Variants in ZDHHC7 observed in about 807,000 individuals in gnomAD.
The protein encoded by ZDHHC7 is palmitoyltransferase ZDHHC7.
A neutral mutation model predicts 34.1 loss-of-function variants in ZDHHC7; 12 were observed. That is an observed-to-expected ratio of 0.35 (90% CI 0.23 to 0.57). The LOEUF (loss-of-function observed/expected upper bound fraction) is 0.57. ZDHHC7 is among the 20% of genes least tolerant of loss of function. ZDHHC7 has a pLI of 0.84. For missense variants in ZDHHC7, 388 were observed against 402.7 expected (o/e 0.96, Z 0.31); for synonymous variants, 185 against 155.4 (o/e 1.19, Z -1.42).
chr16:84,997,996 C>A (rs991368947), intron 1 of ZDHHC7, among the ~76,000 whole-genome samples: 1 of 150,316 alleles, frequency 6.7e-6, no homozygotes, highest in Non-Finnish European at 1.5e-5. Context: ...ATTAGAAGAT[C>A]GGGTCTGTAA....
At position 84,979,846 on chromosome 16, in the gene ZDHHC7, A is replaced by T. The variant is rs540567505; in HGVS notation, c.441-561T>A. 2.0e-5 allele frequency among the ~76,000 whole-genome samples: 3 copies of T among 151,346 alleles called. No individual in the cohort carries two copies. The East Asian group carries it at 5.9e-4, about 30-fold the overall frequency. On this transcript the variant is annotated intron_variant, in intron 4 of 7. Coordinates refer to ENST00000313732, the MANE Select transcript of ZDHHC7 (RefSeq NM_017740.3). ...TGTCCAATTTTAAATAACTAATTTG[A>T]TTATCGATTACTTTTTAGTCCAAGC...
chr16:85,000,014 C>T (rs2072632890), intron 1 of ZDHHC7, among the ~76,000 whole-genome samples: 2 of 151,476 alleles, frequency 1.3e-5, no homozygotes, highest in African/African-American at 4.9e-5. Context: ...CTGGGCAGGG[C>T]CTGTACTCCC....
the ZDHHC7 span, among the ~76,000 whole-genome samples, chr16:85,018,578 G>C: frequency 3.3e-5 from 5 of 152,134 alleles, no homozygotes; most frequent in East Asian, 7.7e-4. Flanking sequence ...CTCCCTGGTA[G>C]CTGGGATTAC....
In ZDHHC7 at chr16:84,990,406, C is replaced by G. The variant is rs751306989; in HGVS notation, c.213G>C (p.Leu71=). Residue 71 remains leucine, a synonymous_variant, in exon 3 of 8, where the codon CTG becomes CTC. Transcript: ENST00000313732. ...CAGAGTACCAGAAGTCTTTGGAAGG[C>G]AGCAGCATGACGAAAGTCACCACGA... ...ADFVVTFVML[L]PSKDFWYSVV... 2.2e-5 allele frequency: 36 copies of G among 1,614,030 alleles called. No individual in the cohort carries two copies. The South Asian group carries it at 3.6e-4, about 16-fold the overall frequency.
At chr16:84,996,514 C>T (rs1249364249) in intron 1 of ZDHHC7, among the ~76,000 whole-genome samples, 1 of 152,110 alleles carries the variant, frequency 6.6e-6, no homozygotes. Flanking sequence ...TCCTGGCACG[C>T]ATCTCCCACG....
chr16:85,017,812 G>C, the ZDHHC7 span, among the ~76,000 whole-genome samples: 2 of 152,140 alleles, frequency 1.3e-5, no homozygotes, highest in Non-Finnish European at 2.9e-5. Flanking sequence ...TATTGCAAAG[G>C]GAAAAGTACA....
intron 3 of ZDHHC7, 31 bp from the exon 4 acceptor site, chr16:84,982,025 G>C (rs1252934705): frequency 7.4e-6 from 12 of 1,612,968 alleles, no homozygotes; most frequent in South Asian, 2.2e-5. Flanking sequence ...ACTTTAGTTG[G>C]GGAGAATGAA....
chr16:85,001,486 T>TAAAAAAAA (rs2072652786), intron 1 of ZDHHC7, among the ~76,000 whole-genome samples: 1 of 72,386 alleles, frequency 1.4e-5, no homozygotes, highest in Non-Finnish European at 2.5e-5. Context: ...AAAAAAAAAT[T>TAAAAAAAA]AAGTAAATGG....
Position 84,975,605 on chromosome 16 carries a change from C to T in ZDHHC7, c.*738G>A, listed in dbSNP as rs966488518. 8 of 152,702 alleles carry T rather than the reference C, an allele frequency of 5.2e-5. No individual in the cohort carries two copies. The highest frequency in any genetic ancestry group is 1.9e-4 in the African/African-American group (8 of 41,468). The allele number at this position is 152,702 out of a possible 1,614,324, so 9.5% of individuals were successfully genotyped here. On this transcript the variant is annotated 3_prime_UTR_variant, in exon 8 of 8. Transcript: ENST00000313732. ...TTCATAGTAACCACGGGCAGGACCC[C>T]GCGGCTCTCTCCCCTCTTCCCTGAA...
chr16:85,017,560 C>T, the ZDHHC7 span, among the ~76,000 whole-genome samples: 5 of 152,164 alleles, frequency 3.3e-5, no homozygotes, highest in East Asian at 1.9e-4. Context: ...CCTAAATGTC[C>T]ATGAACAGAA....
At chr16:84,978,083 G>T in intron 5 of ZDHHC7, 78 bp from the exon 6 acceptor site, 1 of 1,211,250 alleles carries the variant, frequency 8.3e-7, no homozygotes, top group East Asian at 2.6e-5. Context: ...TGTTGTCCAG[G>T]CTGGAATGCA....
intron 7 of ZDHHC7, 30 bp from the exon 8 acceptor site, chr16:84,976,549 C>A (rs369601970): frequency 4.4e-6 from 7 of 1,608,162 alleles, no homozygotes; most frequent in East Asian, 2.2e-5. Flanking sequence ...CAAGTGGCAG[C>A]GGCTCCAGGA....
At chr16:85,024,151 C>CA in the ZDHHC7 span, among the ~76,000 whole-genome samples, 1 of 149,916 alleles carries the variant, frequency 6.7e-6, no homozygotes, top group African/African-American at 2.5e-5. Flanking sequence ...CTCCTGACCT[C>CA]AGATGATCCA....
At chr16:84,978,585 G>A (rs926683619) in intron 5 of ZDHHC7, among the ~76,000 whole-genome samples, 12 of 151,856 alleles carry the variant, frequency 7.9e-5, no homozygotes, top group Admixed American at 2.0e-4. Flanking sequence ...ATAAACGGCC[G>A]GGCACGGTGG....
In ZDHHC7 at chr16:84,976,326, G is replaced by C; in HGVS notation, c.*17C>G. The C allele has an allele frequency of 6.2e-7, 1 of 1,611,520 alleles. No homozygotes were observed. The highest frequency in any genetic ancestry group is 2.2e-5 in the East Asian group (1 of 44,862). On this transcript the variant is annotated 3_prime_UTR_variant, in exon 8 of 8. Coordinates refer to ENST00000313732, the MANE Select transcript of ZDHHC7 (RefSeq NM_017740.3). The stretch of plus-strand genomic sequence containing the variant: ...ACTGGAAGTCTGTGAGCAAGTTTCA[G>C]TCTGATGAGCCACGCCTCACACTGA...
chr16:84,977,942 C>T lies in ZDHHC7; in HGVS notation c.601G>A (p.Val201Ile), dbSNP rs13334011. The change falls in exon 6 of 8, where the codon GTC becomes ATC. Residue 201 changes from valine (V) to isoleucine (I), a missense_variant. Val to Ile is a conservative substitution (Grantham distance 29). Transcript: ENST00000313732. ...AACTTACCAGTCCACTGCCCTCGGA[C>T]ACAGGAGATGAACTGAAATCCACAA... ...ILCGFQFISC[V>I]RGQWTECSDF... is the part of the protein sequence containing the mutation. 7,611 of 1,613,970 alleles carry T rather than the reference C, an allele frequency of 4.7e-3. 273 individuals carry two copies. In the African/African-American group the frequency reaches 0.082, roughly 17 times the overall value.
chr16:84,999,176 TCGGAAA>T (rs2072622573), intron 1 of ZDHHC7, among the ~76,000 whole-genome samples: 1 of 152,216 alleles, frequency 6.6e-6, no homozygotes, highest in Non-Finnish European at 1.5e-5. Flanking sequence ...TGTCTTAAAA[TCGGAAA>T]CTGGTTTGCA....
Position 85,008,432 on chromosome 16 carries a change from C to G in ZDHHC7, c.-104+2854G>C, listed in dbSNP as rs75731748. Among the ~76,000 whole-genome samples the G allele has an allele frequency of 6.6e-3, 1,002 of 152,060 alleles. 34 individuals carry two copies. The highest frequency in any genetic ancestry group is 0.049 in the East Asian group (254 of 5,158). ...AGTCCACAGGGAGAGGACAATCGTGCCTTTGGTGCTTCCCCATCTGGTACT... is the reference window on the plus strand; with the variant it reads ...AGTCCACAGGGAGAGGACAATCGTGGCTTTGGTGCTTCCCCATCTGGTACT... On this transcript the variant is annotated intron_variant, in intron 1 of 7. Transcript: ENST00000313732.
In ZDHHC7 at chr16:84,983,592, C is replaced by A. The variant is rs536554546; in HGVS notation, c.316-1598G>T. Reference sequence around the variant, plus strand: ...AACAAGGCCCCGTCAGTCCCATGGCCGCAATATGGGGAAGCTGTTTTGGTC... The same window carrying A: ...AACAAGGCCCCGTCAGTCCCATGGCAGCAATATGGGGAAGCTGTTTTGGTC... On this transcript the variant is annotated intron_variant, in intron 3 of 7. Coordinates refer to ENST00000313732, the MANE Select transcript of ZDHHC7 (RefSeq NM_017740.3). 3.3e-5 allele frequency among the ~76,000 whole-genome samples: 5 copies of A among 152,244 alleles called. 1 individual carries two copies. The highest frequency in any genetic ancestry group is 1.2e-4 in the African/African-American group (5 of 41,556).
Sources: allele counts gnomAD v4.1 joint callset (sites outside exome capture counted in the v4.1 genomes callset), GRCh38; gene constraint gnomAD v4.1.1; transcripts MANE v1.5; gene names NCBI Gene and HGNC (gene_info 2026-07-23, HGNC 2026-07-21).